DCDC1: variants seen among roughly 807,000 people sequenced by gnomAD.
The protein encoded by DCDC1 is doublecortin domain-containing protein 1.
In DCDC1, 200 loss-of-function variants were observed where a neutral mutation model predicts 178.3. The ratio of observed to expected loss-of-function variants is 1.12; its 90% CI spans 1.00 to 1.26. The LOEUF (loss-of-function observed/expected upper bound fraction) is 1.26, where lower values mean the gene tolerates loss of function less well. Among genes scored for constraint, DCDC1 ranks in the 50% most tolerant of loss-of-function variants. The pLI is 0.00. For missense variants in DCDC1, 1,983 were observed against 1,749.2 expected (o/e 1.13, Z -2.38); for synonymous variants, 690 against 604.8 (o/e 1.14, Z -2.07).
intron 3 of DCDC1, among the ~76,000 whole-genome samples, chr11:31,311,681 G>C (rs1948779788): frequency 6.6e-6 from 1 of 152,068 alleles, no homozygotes; most frequent in African/African-American, 2.4e-5. Flanking sequence ...TGTGCTCCTC[G>C]ACAATCCTAA....
At position 30,894,327 on chromosome 11, in the gene DCDC1, T is replaced by C. The variant is rs1944029712; in HGVS notation, c.4823A>G (p.Gln1608Arg). 6.2e-7 allele frequency: 1 copy of C among 1,613,834 alleles called. No individual in the cohort carries two copies. The highest frequency in any genetic ancestry group is 1.7e-5 in the Admixed American group (1 of 60,002). Residue 1608 changes from glutamine (Q) to arginine (R), a missense_variant, in exon 35 of 39, where the codon CAG becomes CGG. Coordinates refer to ENST00000684477, the MANE Select transcript of DCDC1 (RefSeq NM_001387274.1). ...CCAGCCTCCTTCAACCACCACGGGC[T>C]GCACAGGGCTCTTGGTAGGAACCAT... ...ATMVPTKSPV[Q>R]PVVVEGGWTE...
At chr11:30,985,666 G>A (rs992948537) in intron 20 of DCDC1, among the ~76,000 whole-genome samples, 2 of 152,064 alleles carry the variant, frequency 1.3e-5, no homozygotes, top group Non-Finnish European at 2.9e-5. Context: ...AACTATATGA[G>A]TTGCACTGAG....
chr11:31,363,137 CTG>C (rs539042876), intron 1 of DCDC1, among the ~76,000 whole-genome samples: 1 of 152,080 alleles, frequency 6.6e-6, no homozygotes, highest in African/African-American at 2.4e-5. Context: ...TAATATTAAA[CTG>C]TGTGTAATTA....
chr11:30,949,388 T>C (rs550958554), intron 21 of DCDC1, among the ~76,000 whole-genome samples: 14 of 152,234 alleles, frequency 9.2e-5, no homozygotes, highest in Non-Finnish European at 1.6e-4. Flanking sequence ...GAAATAGGAA[T>C]GCTTTTACAC....
intron 7 of DCDC1, among the ~76,000 whole-genome samples, chr11:31,269,611 C>A (rs991984801): frequency 6.6e-6 from 1 of 152,114 alleles, no homozygotes; most frequent in African/African-American, 2.4e-5. Flanking sequence ...TCTCAAGACC[C>A]CTGGTCTCAA....
intron 3 of DCDC1, among the ~76,000 whole-genome samples, chr11:31,327,634 T>G (rs1444472950): frequency 6.6e-6 from 1 of 152,174 alleles, no homozygotes; most frequent in African/African-American, 2.4e-5. Context: ...TCTACATTTT[T>G]TCTTCCCACA....
At chr11:30,911,218 A>G (rs1945424322) in intron 28 of DCDC1, 109 bp downstream of exon 28, 7 of 841,198 alleles carry the variant, frequency 8.3e-6, no homozygotes, top group African/African-American at 6.9e-5. Flanking sequence ...ACAACATTCA[A>G]ATAGGATTCT....
At chr11:31,045,998 A>G (rs536035648) in intron 20 of DCDC1, among the ~76,000 whole-genome samples, 1 of 152,282 alleles carries the variant, frequency 6.6e-6, no homozygotes, top group Non-Finnish European at 1.5e-5. Flanking sequence ...CTAGTTATGC[A>G]TGCACTCATG....
At chr11:31,144,405 G>A (rs907280672) in intron 9 of DCDC1, among the ~76,000 whole-genome samples, 1 of 152,252 alleles carries the variant, frequency 6.6e-6, no homozygotes, top group African/African-American at 2.4e-5. Flanking sequence ...CCAAAGGGCT[G>A]GGATTGCAGG....
chr11:31,219,079 G>A (rs941322975), intron 9 of DCDC1, among the ~76,000 whole-genome samples: 1 of 151,666 alleles, frequency 6.6e-6, no homozygotes, highest in South Asian at 2.1e-4. Context: ...TGCCTGAGTT[G>A]GTGCTAAAGA....
At chr11:30,954,650 T>A (rs1005632517) in intron 20 of DCDC1, among the ~76,000 whole-genome samples, 1 of 152,146 alleles carries the variant, frequency 6.6e-6, no homozygotes, top group Non-Finnish European at 1.5e-5. Context: ...AGCTAAGAAA[T>A]ACTGGTCCTA....
At chr11:31,125,049 C>A (rs1255106018) in intron 11 of DCDC1, among the ~76,000 whole-genome samples, 1 of 152,028 alleles carries the variant, frequency 6.6e-6, no homozygotes, top group Non-Finnish European at 1.5e-5. Context: ...GGTCTAATAT[C>A]CACAATTTAC....
intron 3 of DCDC1, among the ~76,000 whole-genome samples, chr11:31,323,996 AC>A (rs762105108): frequency 6.6e-6 from 1 of 152,148 alleles, no homozygotes; most frequent in African/African-American, 2.4e-5. Flanking sequence ...CAAAAGTTTT[AC>A]TTCCAATTCC....
At chr11:31,004,734 A>T (rs1281696523) in intron 20 of DCDC1, among the ~76,000 whole-genome samples, 1 of 151,646 alleles carries the variant, frequency 6.6e-6, no homozygotes, top group East Asian at 1.9e-4. Context: ...ACGGGGTTCA[A>T]ATTCCTGTGT....
intron 37 of DCDC1, among the ~76,000 whole-genome samples, chr11:30,879,169 C>T (rs147123876): frequency 2.6e-5 from 4 of 152,240 alleles, no homozygotes; most frequent in African/African-American, 7.2e-5. Context: ...ATGAATTTCA[C>T]ATACTAAATG....
intron 11 of DCDC1, 51 bp from the exon 12 acceptor site, chr11:31,110,412 T>C (rs923007118): frequency 5.9e-6 from 4 of 674,164 alleles, no homozygotes; most frequent in African/African-American, 3.6e-5. Context: ...CACACATACA[T>C]ACATATATTC....
chr11:30,959,735 C>A (rs1948984381), intron 20 of DCDC1, among the ~76,000 whole-genome samples: 1 of 152,130 alleles, frequency 6.6e-6, no homozygotes, highest in African/African-American at 2.4e-5. Flanking sequence ...CCTCTTGGGG[C>A]AAACTTTGAC....
intron 9 of DCDC1, among the ~76,000 whole-genome samples, chr11:31,202,137 G>A (rs1971357232): frequency 6.6e-6 from 1 of 152,202 alleles, no homozygotes; most frequent in Non-Finnish European, 1.5e-5. Flanking sequence ...AATACAAGAA[G>A]CACAGACTAT....
At chr11:31,099,539 T>C (rs1198585514) in intron 15 of DCDC1, among the ~76,000 whole-genome samples, 10 of 152,162 alleles carry the variant, frequency 6.6e-5, no homozygotes, top group Non-Finnish European at 1.5e-5. Context: ...TAGTTGATTT[T>C]GAGCCATGCA....
Sources: allele counts gnomAD v4.1 joint callset (sites outside exome capture counted in the v4.1 genomes callset), GRCh38; gene constraint gnomAD v4.1.1; transcripts MANE v1.5; gene names NCBI Gene and HGNC (gene_info 2026-07-23, HGNC 2026-07-21).